Variants in RABGEF1 observed in about 807,000 individuals in gnomAD.
RABGEF1 encodes rab5 GDP/GTP exchange factor.
In RABGEF1, 26 loss-of-function variants were observed where a neutral mutation model predicts 57.3. That is an observed-to-expected ratio of 0.45 (90% CI 0.33 to 0.63). The LOEUF (loss-of-function observed/expected upper bound fraction) is 0.63, where lower values mean the gene tolerates loss of function less well. RABGEF1 is among the 20% of genes least tolerant of loss of function. The probability of loss-of-function intolerance (pLI) is 0.02; values close to 1 mark genes in which losing one functional copy is unlikely to be tolerated. For missense variants in RABGEF1, 464 were observed against 607.6 expected (o/e 0.76, Z 2.48); for synonymous variants, 185 against 210.7 (o/e 0.88, Z 1.06).
intron 1 of RABGEF1, among the ~76,000 whole-genome samples, chr7:66,700,814 T>C (rs560085000): frequency 6.6e-6 from 1 of 152,318 alleles, no homozygotes; most frequent in African/African-American, 2.4e-5. Flanking sequence ...CTGGACACTC[T>C]CTGAGGACAT....
At chr7:66,666,666 C>T in the RABGEF1 span, among the ~76,000 whole-genome samples, 20 of 152,202 alleles carry the variant, frequency 1.3e-4, no homozygotes, top group Non-Finnish European at 1.8e-4. Flanking sequence ...TGCTCACAGC[C>T]GGCGGGTGGA....
At chr7:66,716,672 T>C (rs1470095628) in intron 2 of RABGEF1, among the ~76,000 whole-genome samples, 3 of 152,168 alleles carry the variant, frequency 2.0e-5, no homozygotes, top group Non-Finnish European at 4.4e-5. Flanking sequence ...AAAAAAACTC[T>C]TCTGTCATTG....
chr7:66,791,519 T>G (rs1584163483), intron 4 of RABGEF1, among the ~76,000 whole-genome samples: 1 of 152,124 alleles, frequency 6.6e-6, no homozygotes, highest in African/African-American at 2.4e-5. Context: ...AGCTAATACC[T>G]AAATAGATTA....
intron 2 of RABGEF1, among the ~76,000 whole-genome samples, chr7:66,732,464 C>A (rs189129042): frequency 6.6e-6 from 1 of 152,216 alleles, no homozygotes; most frequent in East Asian, 1.9e-4. Context: ...GGGAGACTTT[C>A]CAGGTGAGAG....
chr7:66,758,711 G>C (rs765147836), intron 1 of RABGEF1, among the ~76,000 whole-genome samples: 1 of 152,176 alleles, frequency 6.6e-6, no homozygotes, highest in Non-Finnish European at 1.5e-5. Context: ...TACCGTAACA[G>C]CTGTCACCAC....
At chr7:66,697,703 T>C (rs1404750433) in intron 1 of RABGEF1, among the ~76,000 whole-genome samples, 2 of 152,112 alleles carry the variant, frequency 1.3e-5, no homozygotes, top group Non-Finnish European at 2.9e-5. Flanking sequence ...GCAGACTGTG[T>C]TCTCCGGCCT....
At chr7:66,756,759 T>G (rs559592657) in intron 1 of RABGEF1, among the ~76,000 whole-genome samples, 1 of 152,300 alleles carries the variant, frequency 6.6e-6, no homozygotes, top group African/African-American at 2.4e-5. Flanking sequence ...ATTTTCTGTT[T>G]GTCTCTAAAA....
intron 2 of RABGEF1, chr7:66,774,073 C>G (rs1807920069): frequency 8.3e-6 from 2 of 240,666 alleles, no homozygotes; most frequent in Admixed American, 5.4e-5. Flanking sequence ...CCTAACCCTT[C>G]TCCTGAGTCA....
At chr7:66,663,861 G>A in the RABGEF1 span, among the ~76,000 whole-genome samples, 2 of 151,996 alleles carry the variant, frequency 1.3e-5, no homozygotes, top group African/African-American at 4.8e-5. Context: ...ATCACCTAAG[G>A]GCAGGACTTC....
At chr7:66,700,904 G>A (rs1164657780) in intron 1 of RABGEF1, among the ~76,000 whole-genome samples, 1 of 152,232 alleles carries the variant, frequency 6.6e-6, no homozygotes, top group Non-Finnish European at 1.5e-5. Context: ...GTGGGGCAGG[G>A]TTGCAGAGGC....
chr7:66,684,871 G>C (rs1292959357), intron 1 of RABGEF1, among the ~76,000 whole-genome samples: 1 of 152,120 alleles, frequency 6.6e-6, no homozygotes, highest in African/African-American at 2.4e-5. Flanking sequence ...TCCTGACCTC[G>C]TGGTCTGCCC....
chr7:66,809,181 T>C lies in RABGEF1; in HGVS notation c.1373T>C (p.Leu458Pro), dbSNP rs1286322295. Residue 458 changes from leucine (L) to proline (P), a missense_variant, in exon 9 of 9, where the codon CTG becomes CCG. Leu to Pro is a moderately conservative substitution (Grantham distance 98). This residue lies in a region of RABGEF1 where 151 missense variants were observed against 152.2 expected (regional missense o/e 0.99). Coordinates refer to ENST00000284957, the MANE Select transcript of RABGEF1 (RefSeq NM_014504.3). ...EVQDIVEKYP[L>P]EIKPPNQPLA... ...CAAGACATCGTTGAGAAATACCCAC[T>C]GGAAATTAAGCCTCCGAATCAACCG... The C allele has an allele frequency of 5.0e-6, 8 of 1,614,082 alleles. No homozygotes were observed. The highest frequency in any genetic ancestry group is 6.8e-6 in the Non-Finnish European group (8 of 1,180,044).
intron 1 of RABGEF1, among the ~76,000 whole-genome samples, chr7:66,760,837 C>A (rs1231842955): frequency 6.6e-6 from 1 of 152,034 alleles, no homozygotes; most frequent in Non-Finnish European, 1.5e-5. Context: ...CTGTGTTGCC[C>A]AGGCTGGTCT....
intron 7 of RABGEF1, among the ~76,000 whole-genome samples, chr7:66,802,663 GA>G (rs1787557937): frequency 6.6e-6 from 1 of 152,198 alleles, no homozygotes; most frequent in South Asian, 2.1e-4. Context: ...AGAGTTCCAC[GA>G]AGAATTCCTT....
intron 1 of RABGEF1, among the ~76,000 whole-genome samples, chr7:66,684,789 C>G (rs1790348086): frequency 1.3e-5 from 2 of 152,332 alleles, no homozygotes; most frequent in Admixed American, 1.3e-4. Context: ...CACCCGCCAC[C>G]ATGCCTGGCT....
the RABGEF1 span, among the ~76,000 whole-genome samples, chr7:66,676,894 G>A: frequency 6.6e-6 from 1 of 152,186 alleles, no homozygotes; most frequent in Non-Finnish European, 1.5e-5. Flanking sequence ...CGTGAATAGT[G>A]TCCCTTGATG....
At chr7:66,751,948 G>A (rs1801520537) in intron 1 of RABGEF1, among the ~76,000 whole-genome samples, 1 of 152,098 alleles carries the variant, frequency 6.6e-6, no homozygotes, top group South Asian at 2.1e-4. Flanking sequence ...TGTAATCCCA[G>A]CACTTTGGGA....
At chr7:66,714,423 C>G (rs1166695498) in intron 2 of RABGEF1, among the ~76,000 whole-genome samples, 1 of 152,098 alleles carries the variant, frequency 6.6e-6, no homozygotes, top group Non-Finnish European at 1.5e-5. Flanking sequence ...GTATTTCATT[C>G]CCAATATTGA....
In RABGEF1 at chr7:66,809,016, C is replaced by G. The variant is rs550041866; in HGVS notation, c.1208C>G (p.Ala403Gly). ...KQEAESWSPD[A>G]CLGVKQMYKN... is the part of the protein sequence containing the mutation. ...GAAGCTGAGAGTTGGTCTCCTGATGCTTGCTTAGGCGTCAAGCAAATGTAT... is the reference window on the plus strand; with the variant it reads ...GAAGCTGAGAGTTGGTCTCCTGATGGTTGCTTAGGCGTCAAGCAAATGTAT... Residue 403 changes from alanine (A) to glycine (G), a missense_variant, in exon 9 of 9, where the codon GCT becomes GGT. Transcript: ENST00000284957. 1.6e-5 allele frequency: 26 copies of G among 1,614,160 alleles called. No individual in the cohort carries two copies. The highest frequency in any genetic ancestry group is 3.3e-4 in the Middle Eastern group (2 of 6,062).
Sources: allele counts gnomAD v4.1 joint callset (sites outside exome capture counted in the v4.1 genomes callset), GRCh38; gene constraint gnomAD v4.1.1; regional missense constraint gnomAD v4.1.1; transcripts MANE v1.5; gene names NCBI Gene and HGNC (gene_info 2026-07-23, HGNC 2026-07-21).